Variants in ADARB2 observed in about 807,000 individuals in gnomAD.
The protein encoded by ADARB2 is inactive double-stranded RNA-specific editase B2.
In ADARB2, 25 loss-of-function variants were observed where a neutral mutation model predicts 62.2. The observed-to-expected ratio is 0.40, with a 90% confidence interval of 0.29 to 0.56. The LOEUF is 0.56. Among genes scored for constraint, ADARB2 ranks in the 20% least tolerant of loss-of-function variants. The pLI is 0.43. For missense variants in ADARB2, 1,071 were observed against 1,077.4 expected (o/e 0.99, Z 0.08); for synonymous variants, 572 against 500.8 (o/e 1.14, Z -1.90).
intron 1 of ADARB2, among the ~76,000 whole-genome samples, chr10:1,644,352 A>T (rs1313695125): frequency 2.0e-5 from 3 of 152,204 alleles, no homozygotes; most frequent in Non-Finnish European, 4.4e-5. Context: ...CGTCTTTCTT[A>T]CAGAAGAAAA....
Position 1,363,607 on chromosome 10 carries a change from C to A in ADARB2, c.498G>T (p.Thr166=). The change falls in exon 3 of 10, where the codon ACG becomes ACT. Residue 166 remains threonine, a synonymous_variant. Transcript: ENST00000381312. The part of the protein sequence containing the change: ...FAVAVEVNGL[T]FEGTGPTKKK... The stretch of plus-strand genomic sequence containing the variant: ...TCTTGGTGGGGCCTGTGCCCTCGAA[C>A]GTGAGCCCGTTCACCTCCACCGCTA... 6.2e-7 allele frequency: 1 copy of A among 1,602,008 alleles called. No homozygotes were observed. The highest frequency in any genetic ancestry group is 2.3e-5 in the East Asian group (1 of 43,924).
chr10:1,724,001 A>G (rs534598318), intron 1 of ADARB2, among the ~76,000 whole-genome samples: 1 of 152,164 alleles, frequency 6.6e-6, no homozygotes, highest in African/African-American at 2.4e-5. Context: ...AATGTTTCCG[A>G]AGGTGAATTT....
intron 1 of ADARB2, among the ~76,000 whole-genome samples, chr10:1,422,174 C>G (rs747555858): frequency 3.9e-5 from 6 of 152,272 alleles, no homozygotes; most frequent in African/African-American, 1.4e-4. Flanking sequence ...AGAACGGGGA[C>G]GTCAAGGTAC....
intron 1 of ADARB2, among the ~76,000 whole-genome samples, chr10:1,641,663 C>A (rs372812921): frequency 6.6e-6 from 1 of 152,186 alleles, no homozygotes; most frequent in Non-Finnish European, 1.5e-5. Flanking sequence ...CATCTGCTAG[C>A]GTTCTGCTTT....
At chr10:1,529,304 C>A (rs1260588343) in intron 1 of ADARB2, among the ~76,000 whole-genome samples, 2 of 151,566 alleles carry the variant, frequency 1.3e-5, no homozygotes, top group African/African-American at 2.4e-5. Context: ...CCATCCCCAA[C>A]ACAAATCCTC....
chr10:1,612,776 A>T (rs1278489884), intron 1 of ADARB2, among the ~76,000 whole-genome samples: 1 of 152,110 alleles, frequency 6.6e-6, no homozygotes, highest in East Asian at 1.9e-4. Context: ...AATGGTTTTT[A>T]TTTATAAGGG....
intron 1 of ADARB2, among the ~76,000 whole-genome samples, chr10:1,672,836 C>A (rs1398473859): frequency 6.6e-6 from 1 of 151,822 alleles, no homozygotes; most frequent in Non-Finnish European, 1.5e-5. Context: ...GAGTAAGTTA[C>A]TGAGGACAAA....
chr10:1,359,477 A>G (rs1483502743), intron 3 of ADARB2, among the ~76,000 whole-genome samples: 1 of 152,178 alleles, frequency 6.6e-6, no homozygotes, highest in African/African-American at 2.4e-5. Flanking sequence ...TGTGATTTTA[A>G]TCTTTATGAA....
At chr10:1,301,669 C>T (rs1258360979) in intron 3 of ADARB2, among the ~76,000 whole-genome samples, 1 of 152,086 alleles carries the variant, frequency 6.6e-6, no homozygotes, top group African/African-American at 2.4e-5. Flanking sequence ...GAGTAAAGAC[C>T]AGGCATCCCT....
At chr10:1,523,159 T>C (rs1832094796) in intron 1 of ADARB2, among the ~76,000 whole-genome samples, 1 of 152,218 alleles carries the variant, frequency 6.6e-6, no homozygotes, top group African/African-American at 2.4e-5. Context: ...TTAGGTTTTA[T>C]TTTTCTTCAG....
intron 1 of ADARB2, among the ~76,000 whole-genome samples, chr10:1,581,095 T>G (rs925524470): frequency 6.6e-6 from 1 of 152,260 alleles, no homozygotes; most frequent in Admixed American, 6.5e-5. Flanking sequence ...GTGGAGCTGC[T>G]GGAATACGTG....
At chr10:1,632,275 A>C (rs1468215005) in intron 1 of ADARB2, among the ~76,000 whole-genome samples, 1 of 152,196 alleles carries the variant, frequency 6.6e-6, no homozygotes, top group Non-Finnish European at 1.5e-5. Context: ...TACACTACAC[A>C]CACATATGCA....
chr10:1,594,151 A>C (rs867241492), intron 1 of ADARB2, among the ~76,000 whole-genome samples: 2 of 152,214 alleles, frequency 1.3e-5, no homozygotes, highest in East Asian at 3.9e-4. Flanking sequence ...TTAGCCAGGC[A>C]TGGTGGCGGG....
chr10:1,332,508 G>A (rs1160938755), intron 3 of ADARB2, among the ~76,000 whole-genome samples: 2 of 137,834 alleles, frequency 1.5e-5, no homozygotes, highest in African/African-American at 5.2e-5. Context: ...CATCGAACAG[G>A]TGTTAAATAT....
intron 1 of ADARB2, among the ~76,000 whole-genome samples, chr10:1,448,698 C>T (rs766270828): frequency 4.1e-4 from 63 of 152,164 alleles, no homozygotes; most frequent in Admixed American, 6.5e-4. Flanking sequence ...GTAAGTTTCC[C>T]TCAGTCCAGC....
At chr10:1,621,313 A>G (rs1833701596) in intron 1 of ADARB2, among the ~76,000 whole-genome samples, 1 of 152,226 alleles carries the variant, frequency 6.6e-6, no homozygotes, top group Non-Finnish European at 1.5e-5. Flanking sequence ...TCGTCTTTTT[A>G]TATATTACTA....
At chr10:1,205,954 G>A (rs1278772087) in intron 7 of ADARB2, among the ~76,000 whole-genome samples, 4 of 151,418 alleles carry the variant, frequency 2.6e-5, no homozygotes, top group South Asian at 2.1e-4. Flanking sequence ...GTGGGGTCAC[G>A]GGGCAGCCCG....
At chr10:1,186,100 G>A (rs75217345) in intron 8 of ADARB2, among the ~76,000 whole-genome samples, 4 of 152,182 alleles carry the variant, frequency 2.6e-5, no homozygotes, top group South Asian at 2.1e-4. Flanking sequence ...GCTGAGCCCC[G>A]CCAATTCATT....
At chr10:1,602,367 C>T (rs1044985388) in intron 1 of ADARB2, among the ~76,000 whole-genome samples, 1 of 152,178 alleles carries the variant, frequency 6.6e-6, no homozygotes, top group Non-Finnish European at 1.5e-5. Flanking sequence ...GTCTCCCTCC[C>T]CACATCAGCA....
Sources: allele counts gnomAD v4.1 joint callset (sites outside exome capture counted in the v4.1 genomes callset), GRCh38; gene constraint gnomAD v4.1.1; transcripts MANE v1.5; gene names NCBI Gene and HGNC (gene_info 2026-07-23, HGNC 2026-07-21).